GPSM2: variants seen among roughly 807,000 people sequenced by gnomAD.
GPSM2 encodes the protein G protein-signaling modulator 2.
GPSM2 carries 58 observed loss-of-function variants against 78.4 expected under a neutral mutation model. That is an observed-to-expected ratio of 0.74 (90% CI 0.60 to 0.92). GPSM2 has a LOEUF of 0.92. GPSM2 is among the 40% of genes least tolerant of loss of function. The pLI is 0.00. For missense variants in GPSM2, 700 were observed against 815.5 expected (o/e 0.86, Z 1.73); for synonymous variants, 224 against 280.2 (o/e 0.80, Z 2.00).
chr1:108,894,591 A>G (rs1648215387), intron 2 of GPSM2, among the ~76,000 whole-genome samples: 1 of 152,106 alleles, frequency 6.6e-6, no homozygotes, highest in Non-Finnish European at 1.5e-5. Context: ...CCAGCTGCTC[A>G]GGAGACTGAG....
At chr1:108,917,822 G>T (rs1304601576) in intron 11 of GPSM2, among the ~76,000 whole-genome samples, 1 of 150,008 alleles carries the variant, frequency 6.7e-6, no homozygotes, top group Non-Finnish European at 1.5e-5. Context: ...ATTTCAATTT[G>T]TGTCTCATGG....
At chr1:108,911,841 C>G (rs557624795) in intron 10 of GPSM2, among the ~76,000 whole-genome samples, 25 of 126,064 alleles carry the variant, frequency 2.0e-4, no homozygotes, top group Non-Finnish European at 3.2e-4. Flanking sequence ...GGCTCTTACT[C>G]TGTCACCAGG....
Position 108,924,011 on chromosome 1 carries a change from C to G in GPSM2, c.1612C>G (p.Pro538Ala). ...PKMMLKTSSVPVVSPNTDEFL... is the reference protein window; with the variant it reads ...PKMMLKTSSVAVVSPNTDEFL... ...TCTTCTGTTCTTAGCATCATCTGTTCCTGTGGTATCCCCCAACACGGATGA... is the reference window on the plus strand; with the variant it reads ...TCTTCTGTTCTTAGCATCATCTGTTGCTGTGGTATCCCCCAACACGGATGA... Residue 538 changes from proline (P) to alanine (A), a missense_variant, in exon 14 of 15, where the codon CCT (proline) becomes GCT (alanine). Pro to Ala is a conservative substitution (Grantham distance 27). Transcript: ENST00000264126. 5.0e-6 allele frequency: 8 copies of G among 1,602,234 alleles called. No homozygotes were observed. Among genetic ancestry groups the G allele is most frequent in the Non-Finnish European group, 6.8e-6 (8 of 1,169,412 alleles).
intron 1 of GPSM2, among the ~76,000 whole-genome samples, chr1:108,883,564 T>C (rs531254756): frequency 6.6e-6 from 1 of 152,328 alleles, no homozygotes; most frequent in Non-Finnish European, 1.5e-5. Flanking sequence ...AACACTGAGA[T>C]TCCAGGACTT....
chr1:108,900,307 T>G (rs1481262464), intron 7 of GPSM2, among the ~76,000 whole-genome samples: 1 of 151,814 alleles, frequency 6.6e-6, no homozygotes, highest in Non-Finnish European at 1.5e-5. Context: ...TGGCACAATC[T>G]TGGTGCACTG....
intron 12 of GPSM2, among the ~76,000 whole-genome samples, chr1:108,919,748 T>A (rs1650557323): frequency 6.6e-6 from 1 of 152,138 alleles, no homozygotes; most frequent in Admixed American, 6.5e-5. Context: ...TTATTTAATT[T>A]ATTTAGAAAT....
At position 108,911,815 on chromosome 1, in the gene GPSM2, T is replaced by TTA. The variant is rs1377114496; in HGVS notation, c.1193-2522_1193-2521insAT. ...GGGAAGACAATTTTTTTTTTTTTTT[T>TTA]TTTTTTTTAAAGACAGGCTCTTACT... On this transcript the variant is annotated intron_variant, in intron 10 of 14. Coordinates refer to ENST00000264126, the MANE Select transcript of GPSM2 (RefSeq NM_013296.5). Among the ~76,000 whole-genome samples the TTA allele has an allele frequency of 1.2e-4, 18 of 149,254 alleles. No individual in the cohort carries two copies. The South Asian group carries it at 3.6e-3, about 30-fold the overall frequency.
At chr1:108,905,600 C>T (rs1047262702) in intron 10 of GPSM2, among the ~76,000 whole-genome samples, 4 of 152,068 alleles carry the variant, frequency 2.6e-5, no homozygotes, top group Non-Finnish European at 5.9e-5. Context: ...CTCTCCTCTT[C>T]TTCATCTTTC....
intron 12 of GPSM2, among the ~76,000 whole-genome samples, chr1:108,919,244 A>G (rs1420831372): frequency 6.6e-6 from 1 of 152,094 alleles, no homozygotes; most frequent in Non-Finnish European, 1.5e-5. Flanking sequence ...CTGAACTCAA[A>G]TGATTTGCCT....
chr1:108,917,620 A>AG lies in GPSM2; in HGVS notation c.1264-993_1264-992insG, dbSNP rs1650350529. On this transcript the variant is annotated intron_variant, in intron 11 of 14. Coordinates refer to ENST00000264126, the MANE Select transcript of GPSM2 (RefSeq NM_013296.5). ...TACACACACACACACACATATATAT[A>AG]TATATATATATATATATATATATAT... is the stretch of plus-strand genomic sequence containing the variant. 5.0e-4 allele frequency among the ~76,000 whole-genome samples: 3 copies of AG among 5,996 alleles called. 1 individual carries two copies. In the East Asian group the frequency reaches 6.1e-3, roughly 12 times the overall value. 3.9% of individuals were successfully genotyped at this position (5,996 alleles called of 152,430 possible). A position where few individuals can be genotyped will look rare whatever the true frequency, so the allele number is the denominator to read the frequency against.
chr1:108,924,990 A>G (rs1664417), intron 14 of GPSM2, among the ~76,000 whole-genome samples: 54,381 of 152,024 alleles, frequency 0.36, 11,345 homozygotes, highest in African/African-American at 0.57. Flanking sequence ...TATTGGTGAT[A>G]TGGACTAGAG....
intron 11 of GPSM2, among the ~76,000 whole-genome samples, chr1:108,918,181 G>C (rs1394201798): frequency 6.6e-6 from 1 of 152,012 alleles, no homozygotes; most frequent in Admixed American, 6.6e-5. Flanking sequence ...AGTAAAAACA[G>C]TACCGTTTTA....
intron 2 of GPSM2, among the ~76,000 whole-genome samples, chr1:108,887,292 A>T (rs1010724488): frequency 6.6e-6 from 1 of 152,176 alleles, no homozygotes; most frequent in African/African-American, 2.4e-5. Context: ...GAGGAGAAAG[A>T]GGCCTGTAAC....
chr1:108,885,424 A>T lies in GPSM2; in HGVS notation c.-99A>T. 1 of 723,428 alleles carries T rather than the reference A, an allele frequency of 1.4e-6. No homozygotes were observed. The highest frequency in any genetic ancestry group is 2.4e-6 in the Non-Finnish European group (1 of 409,116). The allele number at this position is 723,428 out of a possible 1,614,324, so 44.8% of individuals were successfully genotyped here. ...TGTATTAACACCAACTCATTAATAT[A>T]CTAACCGGACAATGTTCTACAAACA... On this transcript the variant is annotated 5_prime_UTR_variant, in exon 2 of 15. Coordinates refer to ENST00000264126, the MANE Select transcript of GPSM2 (RefSeq NM_013296.5).
At chr1:108,881,509 TGAG>T (rs1570866955) in intron 1 of GPSM2, among the ~76,000 whole-genome samples, 1 of 152,218 alleles carries the variant, frequency 6.6e-6, no homozygotes, top group South Asian at 2.1e-4. Flanking sequence ...CTCCATGTAA[TGAG>T]GAACATGAGT....
chr1:108,911,961 C>T (rs1471217638), intron 10 of GPSM2, among the ~76,000 whole-genome samples: 2 of 151,830 alleles, frequency 1.3e-5, no homozygotes, highest in Non-Finnish European at 2.9e-5. Flanking sequence ...CACATGCCAC[C>T]ATGTCTGGCT....
At chr1:108,906,571 T>C (rs1160531217) in intron 10 of GPSM2, among the ~76,000 whole-genome samples, 13 of 151,852 alleles carry the variant, frequency 8.6e-5, no homozygotes, top group Non-Finnish European at 1.9e-4. Context: ...TTTTTTTTTT[T>C]TTTCTAAATT....
At position 108,929,744 on chromosome 1, in the gene GPSM2, C is replaced by A. The variant is rs775626164; in HGVS notation, c.1859C>A (p.Thr620Asn). The change falls in exon 15 of 15, where the codon ACC (threonine) becomes AAC (asparagine). Residue 620 changes from threonine to asparagine, a missense_variant. Thr to Asn is a moderately conservative substitution (Grantham distance 65). Coordinates refer to ENST00000264126, the MANE Select transcript of GPSM2 (RefSeq NM_013296.5). ...CAAAGATGTGCTCCACCACCTGCTA[C>A]CACAAAGGGTCCGACAGTACCAGAT... ...DDQRCAPPPA[T>N]TKGPTVPDED... 2 of 1,613,050 alleles carry A rather than the reference C, an allele frequency of 1.2e-6. No homozygotes were observed. Among genetic ancestry groups the A allele is most frequent in the Non-Finnish European group, 1.7e-6 (2 of 1,179,042 alleles).
intron 10 of GPSM2, among the ~76,000 whole-genome samples, chr1:108,904,618 T>C (rs1169701376): frequency 5.9e-5 from 9 of 151,840 alleles, no homozygotes; most frequent in Non-Finnish European, 1.0e-4. Flanking sequence ...AAAATGTTAT[T>C]GTTTATCCTT....
Sources: gnomAD v4.1 joint callset for allele counts (sites outside exome capture counted in the v4.1 genomes callset) on GRCh38, gnomAD v4.1.1 for gene constraint, MANE v1.5 for transcripts, NCBI Gene and HGNC (gene_info 2026-07-23, HGNC 2026-07-21) for gene names.